GPC6: variants seen among roughly 807,000 people sequenced by gnomAD.
The protein encoded by GPC6 is glypican 6.
In GPC6, 14 loss-of-function variants were observed where a neutral mutation model predicts 55.2. The observed-to-expected ratio is 0.25, with a 90% confidence interval of 0.17 to 0.40. GPC6 has a LOEUF of 0.40. Ranked by LOEUF, GPC6 falls within the 10% of genes least tolerant of loss-of-function variation. GPC6 has a pLI of 1.00. For synonymous variants in GPC6, 278 were observed against 259.6 expected (o/e 1.07, Z -0.68); for missense variants, 641 against 708.5 (o/e 0.90, Z 1.08).
At chr13:93,417,309 T>G (rs900084179) in intron 1 of GPC6, among the ~76,000 whole-genome samples, 2 of 152,124 alleles carry the variant, frequency 1.3e-5, no homozygotes, top group Non-Finnish European at 2.9e-5. Flanking sequence ...AGAAGGGATT[T>G]TAATGAATAT....
intron 2 of GPC6, among the ~76,000 whole-genome samples, chr13:93,730,456 T>C (rs557900807): frequency 6.6e-6 from 1 of 152,334 alleles, no homozygotes; most frequent in African/African-American, 2.4e-5. Flanking sequence ...TCATTGCATA[T>C]TAGTTCCTGA....
chr13:93,605,730 T>G (rs1878210065), intron 2 of GPC6, among the ~76,000 whole-genome samples: 1 of 150,702 alleles, frequency 6.6e-6, no homozygotes, highest in Admixed American at 6.6e-5. Flanking sequence ...TAATCCCAGC[T>G]GCTCAGGAGG....
At chr13:93,888,445 A>G (rs1349862368) in intron 3 of GPC6, among the ~76,000 whole-genome samples, 1 of 152,154 alleles carries the variant, frequency 6.6e-6, no homozygotes, top group African/African-American at 2.4e-5. Context: ...TGTCCTAGGG[A>G]AAAAGGTCAC....
chr13:93,556,404 A>G (rs1236389861), intron 2 of GPC6, among the ~76,000 whole-genome samples: 1 of 107,416 alleles, frequency 9.3e-6, no homozygotes, highest in African/African-American at 3.3e-5. Flanking sequence ...GTATGTATGT[A>G]TATGTATATA....
At chr13:93,333,876 C>T (rs1879947774) in intron 1 of GPC6, among the ~76,000 whole-genome samples, 1 of 152,038 alleles carries the variant, frequency 6.6e-6, no homozygotes, top group Non-Finnish European at 1.5e-5. Context: ...ATTTTGTATC[C>T]CTCAACTTTA....
chr13:93,403,604 C>T (rs1422146683), intron 1 of GPC6, among the ~76,000 whole-genome samples: 1 of 152,152 alleles, frequency 6.6e-6, no homozygotes, highest in African/African-American at 2.4e-5. Flanking sequence ...TACTGTATTG[C>T]AATCCACCAC....
intron 1 of GPC6, among the ~76,000 whole-genome samples, chr13:93,296,887 T>C (rs1158480479): frequency 1.3e-5 from 2 of 151,940 alleles, no homozygotes; most frequent in Non-Finnish European, 2.9e-5. Context: ...CCATCCAAAG[T>C]TATGAGGAGG....
chr13:94,289,234 G>T (rs1349666024), intron 5 of GPC6, among the ~76,000 whole-genome samples: 1 of 151,872 alleles, frequency 6.6e-6, no homozygotes, highest in Non-Finnish European at 1.5e-5. Flanking sequence ...GTCCGACAGA[G>T]CTTAAAGGTA....
At chr13:93,224,507 C>G (rs1594037411), upstream of GPC6, among the ~76,000 whole-genome samples, 1 of 152,178 alleles carries the variant, frequency 6.6e-6, no homozygotes, top group Non-Finnish European at 1.5e-5. Flanking sequence ...TTTGCTTCCT[C>G]TTGTATGGCA....
At chr13:94,366,542 A>G (rs1325848648) in intron 6 of GPC6, among the ~76,000 whole-genome samples, 1 of 152,256 alleles carries the variant, frequency 6.6e-6, no homozygotes, top group Non-Finnish European at 1.5e-5. Flanking sequence ...GGTGCCTTAT[A>G]TAACTGCTAG....
At chr13:93,813,926 T>C (rs1886772838) in intron 2 of GPC6, among the ~76,000 whole-genome samples, 1 of 152,096 alleles carries the variant, frequency 6.6e-6, no homozygotes, top group Non-Finnish European at 1.5e-5. Flanking sequence ...TATATAATTA[T>C]TAATGTTCTT....
At chr13:93,360,254 G>A (rs1171450241) in intron 1 of GPC6, among the ~76,000 whole-genome samples, 3 of 152,172 alleles carry the variant, frequency 2.0e-5, no homozygotes, top group Non-Finnish European at 4.4e-5. Context: ...AAGGTTGTGA[G>A]ATGGATTCAG....
intron 1 of GPC6, among the ~76,000 whole-genome samples, chr13:93,273,205 T>C (rs1189312665): frequency 6.6e-6 from 1 of 152,162 alleles, no homozygotes; most frequent in East Asian, 1.9e-4. Flanking sequence ...TACAAAAAGA[T>C]AGTCTGAATC....
At chr13:93,269,246 A>G (rs1295089845) in intron 1 of GPC6, among the ~76,000 whole-genome samples, 1 of 152,102 alleles carries the variant, frequency 6.6e-6, no homozygotes, top group Non-Finnish European at 1.5e-5. Context: ...GAAATAATCT[A>G]ATGTTGTATT....
At chr13:93,616,919 C>T (rs1361243614) in intron 2 of GPC6, among the ~76,000 whole-genome samples, 1 of 152,030 alleles carries the variant, frequency 6.6e-6, no homozygotes, top group African/African-American at 2.4e-5. Flanking sequence ...AAGGAAATAA[C>T]ACATCATTGT....
intron 1 of GPC6, among the ~76,000 whole-genome samples, chr13:93,334,545 C>T (rs1879978554): frequency 6.6e-6 from 1 of 152,170 alleles, no homozygotes; most frequent in Admixed American, 6.5e-5. Context: ...TCCCTGCAAC[C>T]TGTGCCTCCT....
At chr13:94,340,156 G>T (rs994024205) in intron 6 of GPC6, among the ~76,000 whole-genome samples, 6 of 152,082 alleles carry the variant, frequency 3.9e-5, no homozygotes, top group African/African-American at 1.4e-4. Context: ...TATCAAAAAG[G>T]TAAAGAATGG....
chr13:94,235,227 G>A (rs1286201583), intron 4 of GPC6, among the ~76,000 whole-genome samples: 1 of 152,150 alleles, frequency 6.6e-6, no homozygotes, highest in African/African-American at 2.4e-5. Context: ...CTACACTCCA[G>A]TGGTTCTGAT....
intron 4 of GPC6, among the ~76,000 whole-genome samples, chr13:94,109,092 C>T (rs1220222943): frequency 6.6e-6 from 1 of 152,194 alleles, no homozygotes; most frequent in Non-Finnish European, 1.5e-5. Context: ...AGCTTTACAT[C>T]CCCTTGGGAA....
Sources: allele counts gnomAD v4.1 joint callset (sites outside exome capture counted in the v4.1 genomes callset), GRCh38; gene constraint gnomAD v4.1.1; transcripts MANE v1.5; gene names NCBI Gene and HGNC (gene_info 2026-07-23, HGNC 2026-07-21).